The following AR variants were observed in gnomAD, a reference collection of about 807,000 sequenced individuals.
AR encodes androgen receptor, also known as dihydrotestosterone receptor.
A neutral mutation model predicts 53.9 loss-of-function variants in AR; 8 were observed. That is an observed-to-expected ratio of 0.15 (90% CI 0.09 to 0.27). The LOEUF (loss-of-function observed/expected upper bound fraction) is 0.27. AR is among the 10% of genes least tolerant of loss of function. AR has a pLI of 1.00. For missense variants in AR, 639 were observed against 742.5 expected (o/e 0.86, Z 1.62); for synonymous variants, 359 against 316.4 (o/e 1.13, Z -1.43).
chrX:67,591,456 C>T (rs1186770655), intron 1 of AR, among the ~76,000 whole-genome samples: 3 of 111,810 alleles, frequency 2.7e-5, no homozygotes, highest in Non-Finnish European at 5.6e-5. Context: ...GTACTCCTTT[C>T]AACTCCAAAT....
At chrX:67,565,195 G>T (rs1003758011) in intron 1 of AR, among the ~76,000 whole-genome samples, 2 of 111,747 alleles carry the variant, frequency 1.8e-5, no homozygotes, top group Non-Finnish European at 3.8e-5. Flanking sequence ...AATCACAATG[G>T]ATCCATGAAG....
At chrX:67,663,886 A>G (rs1927099130) in intron 2 of AR, among the ~76,000 whole-genome samples, 1 of 111,862 alleles carries the variant, frequency 8.9e-6, no homozygotes, top group Non-Finnish European at 1.9e-5. Context: ...TCAATCACTG[A>G]TACCCTTTCT....
intron 2 of AR, among the ~76,000 whole-genome samples, chrX:67,663,358 G>A (rs1213444258): frequency 8.9e-6 from 1 of 111,828 alleles, no homozygotes; most frequent in Admixed American, 9.5e-5. Context: ...TGTCTGTAAA[G>A]GATTTTATTT....
At chrX:67,708,953 C>T (rs955201647) in intron 3 of AR, among the ~76,000 whole-genome samples, 5 of 111,909 alleles carry the variant, frequency 4.5e-5, no homozygotes, top group African/African-American at 6.5e-5. Context: ...CTCAGAACAG[C>T]GAATATTGCT....
Position 67,724,256 on chromosome X carries a change from A to G in AR, c.*415A>G. ...TAGAGAGCTAAGATTATCTGGGGAAATCAAAACAAAAACAAGCAAACAAAA... is the reference window on the plus strand; with the variant it reads ...TAGAGAGCTAAGATTATCTGGGGAAGTCAAAACAAAAACAAGCAAACAAAA... On this transcript the variant is annotated 3_prime_UTR_variant, in exon 8 of 8. Coordinates refer to ENST00000374690, the MANE Select transcript of AR (RefSeq NM_000044.6). The G allele has an allele frequency of 6.1e-6, 1 of 165,186 alleles. No homozygotes were observed. The highest frequency in any genetic ancestry group is 1.1e-5 in the Non-Finnish European group (1 of 89,440). The allele number at this position is 165,186 out of a possible 1,213,427, so 13.6% of individuals were successfully genotyped here.
At chrX:67,604,813 G>T (rs1469252496) in intron 1 of AR, among the ~76,000 whole-genome samples, 1 of 111,872 alleles carries the variant, frequency 8.9e-6, no homozygotes, top group Non-Finnish European at 1.9e-5. Context: ...TTATGGTACA[G>T]AATGTATTTC....
intron 3 of AR, among the ~76,000 whole-genome samples, chrX:67,697,869 A>G (rs927361055): frequency 8.9e-6 from 1 of 111,836 alleles, no homozygotes; most frequent in Non-Finnish European, 1.9e-5. Flanking sequence ...TCATTATTGC[A>G]TTCTGCCTCC....
intron 2 of AR, among the ~76,000 whole-genome samples, chrX:67,668,156 A>G (rs1569300641): frequency 8.9e-6 from 1 of 112,072 alleles, no homozygotes; most frequent in Admixed American, 9.5e-5. Context: ...CTTATAGCCA[A>G]GGCCTTCAGT....
rs1929652890 is a variant in AR at position 67,545,316 on chromosome X, T to TGCAGCAGCAGCAGCTGCA, written c.184_185insTGCAGCAGCAGCAGCAGC (p.Gln61_Gln62insLeuGlnGlnGlnGlnGln). On this transcript the variant is annotated inframe_insertion, in exon 1 of 8. Coordinates refer to ENST00000374690, the MANE Select transcript of AR (RefSeq NM_000044.6). The stretch of plus-strand genomic sequence containing the variant: ...CCTCCCGGCGCCAGTTTGCTGCTGC[T>TGCAGCAGCAGCAGCTGCA]GCAGCAGCAGCAGCAGCAGCAGCAG... The TGCAGCAGCAGCAGCTGCA allele has an allele frequency of 9.0e-6, 9 of 1,003,971 alleles. No homozygotes were observed. The highest frequency in any genetic ancestry group is 1.2e-5 in the Non-Finnish European group (9 of 753,837). The allele number at this position is 1,003,971 out of a possible 1,213,427, so 82.7% of individuals were successfully genotyped here.
At chrX:67,627,142 A>G (rs1166196988) in intron 1 of AR, among the ~76,000 whole-genome samples, 1 of 110,942 alleles carries the variant, frequency 9.0e-6, no homozygotes. Flanking sequence ...TTGGGTATAT[A>G]CCCAGTAATG....
chrX:67,643,971 C>CAGGA (rs1925928875), intron 2 of AR, among the ~76,000 whole-genome samples: 1 of 112,031 alleles, frequency 8.9e-6, no homozygotes, highest in Admixed American at 9.5e-5. Context: ...GGTAAGAACT[C>CAGGA]AGAGTGAAGA....
chrX:67,552,620 T>G (rs1569267171), intron 1 of AR, among the ~76,000 whole-genome samples: 1 of 112,627 alleles, frequency 8.9e-6, no homozygotes, highest in East Asian at 2.8e-4. Flanking sequence ...ACTGTCAAAC[T>G]GTTTTCTAAA....
chrX:67,561,040 T>G (rs1189699154), intron 1 of AR, among the ~76,000 whole-genome samples: 2 of 112,227 alleles, frequency 1.8e-5, no homozygotes, highest in African/African-American at 6.5e-5. Context: ...TTTATCCCTT[T>G]TTTCTTTCTC....
At chrX:67,627,754 G>GT (rs2147406827) in intron 1 of AR, among the ~76,000 whole-genome samples, 1 of 111,588 alleles carries the variant, frequency 9.0e-6, no homozygotes, top group East Asian at 2.8e-4. Flanking sequence ...TTCTTCTAGG[G>GT]TTTTTATGGT....
chrX:67,712,309 T>C (rs895969019), intron 4 of AR, among the ~76,000 whole-genome samples: 12 of 112,132 alleles, frequency 1.1e-4, no homozygotes, highest in Non-Finnish European at 1.7e-4. Flanking sequence ...AAAGGAACGC[T>C]TTTTGCACCT....
intron 1 of AR, among the ~76,000 whole-genome samples, chrX:67,563,748 T>C (rs759000946): frequency 8.9e-6 from 1 of 112,410 alleles, no homozygotes; most frequent in African/African-American, 3.2e-5. Flanking sequence ...GGTTGATGTG[T>C]GCTTCAAAGT....
At chrX:67,674,320 C>T (rs779657627) in intron 2 of AR, among the ~76,000 whole-genome samples, 4 of 110,305 alleles carry the variant, frequency 3.6e-5, no homozygotes, top group South Asian at 4.1e-4. Context: ...TCTCGCCCAA[C>T]GCCCACAGAG....
chrX:67,618,597 A>G (rs191380060), intron 1 of AR, among the ~76,000 whole-genome samples: 1 of 111,760 alleles, frequency 8.9e-6, no homozygotes, highest in African/African-American at 3.2e-5. Flanking sequence ...TTGTGTTCCA[A>G]TCCATATAGA....
At chrX:67,589,102 G>A (rs1922702468) in intron 1 of AR, among the ~76,000 whole-genome samples, 1 of 112,145 alleles carries the variant, frequency 8.9e-6, no homozygotes, top group South Asian at 3.7e-4. Context: ...TGTTTAAGAA[G>A]TCCACTGTTA....
Sources: gnomAD v4.1 joint callset for allele counts (sites outside exome capture counted in the v4.1 genomes callset) on GRCh38, gnomAD v4.1.1 for gene constraint, MANE v1.5 for transcripts, NCBI Gene and HGNC (gene_info 2026-07-23, HGNC 2026-07-21) for gene names.